Variants in TMEM117 observed in about 807,000 individuals in gnomAD.
TMEM117 encodes the protein transmembrane protein 117.
TMEM117 carries 27 observed loss-of-function variants against 52.4 expected under a neutral mutation model. The ratio of observed to expected loss-of-function variants is 0.51; its 90% CI spans 0.38 to 0.71. The LOEUF (loss-of-function observed/expected upper bound fraction) is 0.71, where lower values mean the gene tolerates loss of function less well. TMEM117 is among the 30% of genes least tolerant of loss of function. The probability of loss-of-function intolerance (pLI) is 0.00; values close to 1 mark genes in which losing one functional copy is unlikely to be tolerated. For missense variants in TMEM117, 556 were observed against 630.5 expected (o/e 0.88, Z 1.26); for synonymous variants, 215 against 206.3 (o/e 1.04, Z -0.36).
intron 6 of TMEM117, among the ~76,000 whole-genome samples, chr12:44,315,197 C>A (rs561940821): frequency 1.3e-5 from 2 of 152,170 alleles, no homozygotes; most frequent in East Asian, 3.9e-4. Context: ...TTTCAGAGAG[C>A]CAACTTTTGG....
chr12:44,084,472 T>C (rs1338554060), intron 3 of TMEM117, among the ~76,000 whole-genome samples: 1 of 152,206 alleles, frequency 6.6e-6, no homozygotes, highest in Non-Finnish European at 1.5e-5. Flanking sequence ...TTATTTAAAA[T>C]ACAACTTTAA....
intron 6 of TMEM117, among the ~76,000 whole-genome samples, chr12:44,336,201 C>T (rs1951338624): frequency 6.6e-6 from 1 of 151,960 alleles, no homozygotes; most frequent in African/African-American, 2.4e-5. Context: ...ATCCTAGTCC[C>T]AGCATTTACT....
At chr12:44,125,264 C>T (rs1330352787) in intron 3 of TMEM117, among the ~76,000 whole-genome samples, 1 of 152,106 alleles carries the variant, frequency 6.6e-6, no homozygotes, top group Non-Finnish European at 1.5e-5. Context: ...GCCACCAAGC[C>T]CGGCTAATTC....
intron 3 of TMEM117, among the ~76,000 whole-genome samples, chr12:44,090,849 G>GTTTTTTTTTTTTTTTTT (rs541939145): frequency 3.0e-5 from 3 of 101,652 alleles, no homozygotes; most frequent in African/African-American, 1.1e-4. Flanking sequence ...GTTTTTTTTT[G>GTTTTTTTTTTTTTTTTT]TTTTTTTTTT....
intron 2 of TMEM117, among the ~76,000 whole-genome samples, chr12:43,942,660 A>G (rs1349456592): frequency 6.6e-6 from 1 of 151,968 alleles, no homozygotes; most frequent in African/African-American, 2.4e-5. Flanking sequence ...AGCTAGGATA[A>G]TGTTTCTGTT....
chr12:44,158,355 A>T (rs1948855082), intron 4 of TMEM117, among the ~76,000 whole-genome samples: 1 of 152,190 alleles, frequency 6.6e-6, no homozygotes, highest in Admixed American at 6.5e-5. Context: ...GAAAGTTTTG[A>T]CAAAACAGCT....
At chr12:43,942,362 A>AT (rs1945057407) in intron 2 of TMEM117, among the ~76,000 whole-genome samples, 1 of 152,116 alleles carries the variant, frequency 6.6e-6, no homozygotes, top group African/African-American at 2.4e-5. Flanking sequence ...TGGTTAATAT[A>AT]TTTTTTTAAT....
intron 4 of TMEM117, among the ~76,000 whole-genome samples, chr12:44,164,239 G>A (rs1174612913): frequency 6.6e-6 from 1 of 151,750 alleles, no homozygotes; most frequent in Non-Finnish European, 1.5e-5. Flanking sequence ...TAGTTTTTGG[G>A]GTAAAGTGGT....
Position 44,070,875 on chromosome 12 carries a change from T to C in TMEM117, c.411-72650T>C, listed in dbSNP as rs186059401. On this transcript the variant is annotated intron_variant, in intron 3 of 7. Coordinates refer to ENST00000266534, the MANE Select transcript of TMEM117 (RefSeq NM_032256.3). ...GATTACTTTGTGGCTTTTCTCTAGT[T>C]GTCCCAGAGCTGAGCTTCCGCAGGC... 1.5e-3 allele frequency among the ~76,000 whole-genome samples: 222 copies of C among 152,290 alleles called. 2 individuals are homozygous for C. Among genetic ancestry groups the C allele is most frequent in the Admixed American group, 2.3e-3 (35 of 15,298 alleles).
chr12:44,012,494 CT>C (rs1158350710), intron 3 of TMEM117, among the ~76,000 whole-genome samples: 2 of 136,440 alleles, frequency 1.5e-5, no homozygotes, highest in Non-Finnish European at 3.2e-5. Context: ...TTTTTATTTT[CT>C]TTTTTTTTCC....
intron 2 of TMEM117, among the ~76,000 whole-genome samples, chr12:43,918,545 A>G (rs79894987): frequency 0.019 from 2,838 of 152,336 alleles, 92 homozygotes; most frequent in African/African-American, 0.064. Flanking sequence ...TAATTAACCA[A>G]TTAGAAGCTA....
intron 1 of TMEM117, among the ~76,000 whole-genome samples, chr12:43,843,730 C>G (rs1943152954): frequency 6.6e-6 from 1 of 152,220 alleles, no homozygotes; most frequent in South Asian, 2.1e-4. Flanking sequence ...AAATCTTCCT[C>G]TTTATTCTCA....
At chr12:43,867,086 A>G (rs1184120085) in intron 2 of TMEM117, among the ~76,000 whole-genome samples, 1 of 152,032 alleles carries the variant, frequency 6.6e-6, no homozygotes, top group Non-Finnish European at 1.5e-5. Context: ...CAAAAACTCC[A>G]TCTCAAGAGA....
chr12:43,906,340 G>A (rs1944386894), intron 2 of TMEM117, among the ~76,000 whole-genome samples: 1 of 152,058 alleles, frequency 6.6e-6, no homozygotes, highest in Non-Finnish European at 1.5e-5. Context: ...GTGCATGCCT[G>A]TAATCCCAGC....
At chr12:44,316,352 G>T (rs1024061680) in intron 6 of TMEM117, among the ~76,000 whole-genome samples, 2 of 152,048 alleles carry the variant, frequency 1.3e-5, no homozygotes, top group Non-Finnish European at 2.9e-5. Context: ...TTAGTTTGAT[G>T]GGATATGGAA....
At chr12:43,890,601 G>A (rs111562623) in intron 2 of TMEM117, among the ~76,000 whole-genome samples, 5,880 of 151,772 alleles carry the variant, frequency 0.039, 144 homozygotes, top group Middle Eastern at 0.088. Context: ...GTGCAATCTC[G>A]GCTCACTGCA....
intron 2 of TMEM117, among the ~76,000 whole-genome samples, chr12:43,869,659 G>GT (rs2137423610): frequency 6.6e-6 from 1 of 152,334 alleles, no homozygotes; most frequent in African/African-American, 2.4e-5. Flanking sequence ...AGGCTAAACT[G>GT]TAATGCTTTC....
intron 3 of TMEM117, among the ~76,000 whole-genome samples, chr12:44,114,811 A>G (rs1018296451): frequency 6.6e-6 from 1 of 152,152 alleles, no homozygotes; most frequent in Non-Finnish European, 1.5e-5. Context: ...TAATAGAACA[A>G]ACATTACTGT....
At chr12:44,305,350 G>A (rs1167113683) in intron 6 of TMEM117, among the ~76,000 whole-genome samples, 1 of 152,128 alleles carries the variant, frequency 6.6e-6, no homozygotes, top group Non-Finnish European at 1.5e-5. Context: ...AAAAGAAATA[G>A]GAGAGTAAAA....
Sources: gnomAD v4.1 joint callset for allele counts (sites outside exome capture counted in the v4.1 genomes callset) on GRCh38, gnomAD v4.1.1 for gene constraint, MANE v1.5 for transcripts, NCBI Gene and HGNC (gene_info 2026-07-23, HGNC 2026-07-21) for gene names.